PCSK5: variants seen among roughly 807,000 people sequenced by gnomAD.
PCSK5 encodes proprotein convertase subtilisin/kexin type 5.
A neutral mutation model predicts 233.2 loss-of-function variants in PCSK5; 129 were observed. The observed-to-expected ratio is 0.55, with a 90% confidence interval of 0.48 to 0.64. The LOEUF is 0.64. Ranked by LOEUF, PCSK5 falls within the 30% of genes least tolerant of loss-of-function variation. The pLI is 0.00. For synonymous variants in PCSK5, 825 were observed against 879.2 expected (o/e 0.94, Z 1.09); for missense variants, 2,076 against 2,430.1 (o/e 0.85, Z 3.06).
chr9:76,156,898 G>A, intron 10 of PCSK5, 147 bp from the exon 11 acceptor site: 2 of 659,076 alleles, frequency 3.0e-6, no homozygotes, highest in South Asian at 3.5e-5. Context: ...ACATGACTAT[G>A]TATTTGTTTT....
chr9:76,328,994 T>C (rs1189256365), intron 33 of PCSK5, among the ~76,000 whole-genome samples: 2 of 150,110 alleles, frequency 1.3e-5, no homozygotes, highest in Non-Finnish European at 3.0e-5. Context: ...TTTTTTTGTA[T>C]TTTTGGTAGA....
chr9:76,160,773 T>C (rs1002456488), intron 12 of PCSK5, among the ~76,000 whole-genome samples: 4 of 151,830 alleles, frequency 2.6e-5, no homozygotes, highest in Non-Finnish European at 5.9e-5. Flanking sequence ...TGATATCTTT[T>C]TTTTTTTTCT....
chr9:76,023,857 C>G lies in PCSK5; in HGVS notation c.531C>G (p.Thr177=), dbSNP rs1198822148. The change falls in exon 4 of 38, where the codon ACC becomes ACG. Residue 177 remains threonine (T), a synonymous_variant. Coordinates refer to ENST00000674117, the MANE Select transcript of PCSK5 (RefSeq NM_001372043.1). ...TCCTGGATGACGGAATTGAGAGAACCCATCCAGATCTGATGCAAAACTACG... is the reference window on the plus strand; with the variant it reads ...TCCTGGATGACGGAATTGAGAGAACGCATCCAGATCTGATGCAAAACTACG... ...VTILDDGIER[T]HPDLMQNYDA... 3 of 1,612,408 alleles carry G rather than the reference C, an allele frequency of 1.9e-6. No individual in the cohort carries two copies. The highest frequency in any genetic ancestry group is 8.5e-7 in the Non-Finnish European group (1 of 1,179,288).
chr9:75,920,680 C>T (rs1376928755), intron 1 of PCSK5, among the ~76,000 whole-genome samples: 2 of 151,984 alleles, frequency 1.3e-5, no homozygotes, highest in Non-Finnish European at 2.9e-5. Flanking sequence ...GTGGCACACA[C>T]CTGTAATCCC....
intron 1 of PCSK5, among the ~76,000 whole-genome samples, chr9:75,909,058 C>T (rs1293492216): frequency 6.6e-6 from 1 of 152,020 alleles, no homozygotes; most frequent in African/African-American, 2.4e-5. Context: ...GGTGCAGTGG[C>T]TCATGCCTGT....
At chr9:76,021,807 T>C (rs1371296418) in intron 3 of PCSK5, among the ~76,000 whole-genome samples, 1 of 152,190 alleles carries the variant, frequency 6.6e-6, no homozygotes, top group Non-Finnish European at 1.5e-5. Flanking sequence ...GCTTAGGATG[T>C]AGTTGGAATA....
At chr9:76,303,154 T>A (rs757128318) in intron 28 of PCSK5, among the ~76,000 whole-genome samples, 1 of 152,134 alleles carries the variant, frequency 6.6e-6, no homozygotes, top group African/African-American at 2.4e-5. Context: ...CTTGTACAGA[T>A]CTCCCTCTGG....
chr9:76,044,655 A>G (rs11999893), intron 5 of PCSK5, among the ~76,000 whole-genome samples: 66,982 of 151,624 alleles, frequency 0.44, 15,137 homozygotes, highest in Middle Eastern at 0.54. Context: ...TAATTTAGAG[A>G]TTTTGGTCAT....
chr9:75,961,137 C>T (rs543272092), intron 2 of PCSK5, among the ~76,000 whole-genome samples: 26 of 152,292 alleles, frequency 1.7e-4, no homozygotes, highest in African/African-American at 6.3e-4. Flanking sequence ...GAACTGAGTC[C>T]TTGTGATTGA....
At chr9:76,213,533 C>T (rs1166760332) in intron 20 of PCSK5, among the ~76,000 whole-genome samples, 2 of 152,052 alleles carry the variant, frequency 1.3e-5, no homozygotes, top group African/African-American at 4.8e-5. Flanking sequence ...TGGTTCCACT[C>T]CCTCACCCTG....
At chr9:76,134,054 C>T (rs1302150384) in intron 9 of PCSK5, 55 bp from the exon 10 acceptor site, 2 of 1,118,464 alleles carry the variant, frequency 1.8e-6, no homozygotes, top group African/African-American at 1.7e-5. Flanking sequence ...TGACTCTCTG[C>T]TTCCCCCATC....
In PCSK5 at chr9:76,308,760, A is replaced by C. The variant is rs756315092; in HGVS notation, c.3688+32A>C. ...GTGTTGCGTGACAGAAGATGGCAGC[A>C]GTCAAGCCAAGTCATTGAAACTCAT... On this transcript the variant is annotated intron_variant, in intron 29 of 37. Coordinates refer to ENST00000674117, the MANE Select transcript of PCSK5 (RefSeq NM_001372043.1). 3.6e-6 allele frequency: 5 copies of C among 1,377,948 alleles called. No individual in the cohort carries two copies. The Admixed American group carries it at 6.8e-5, about 19-fold the overall frequency. 85.4% of individuals were successfully genotyped at this position (1,377,948 alleles called of 1,614,324 possible).
rs374806774 is a variant in PCSK5, at chr9:75,987,826, T to C, written c.411+1581T>C. Among the ~76,000 whole-genome samples the C allele has an allele frequency of 6.8e-4, 103 of 152,300 alleles. 1 individual carries two copies. The South Asian group carries it at 0.02, about 29-fold the overall frequency. On this transcript the variant is annotated intron_variant, in intron 3 of 37. Transcript: ENST00000674117. ...ATAAGAATGTAATGGGATTAAGAGA[T>C]AGGAGGAAGCAAAGCTGCCTCTACA...
chr9:76,069,631 C>A (rs1424481781), intron 6 of PCSK5, among the ~76,000 whole-genome samples: 1 of 152,010 alleles, frequency 6.6e-6, no homozygotes. Flanking sequence ...TGTGAAATTT[C>A]TATTAGAAAA....
chr9:76,292,680 C>T (rs1227124085), intron 25 of PCSK5, among the ~76,000 whole-genome samples: 1 of 152,168 alleles, frequency 6.6e-6, no homozygotes, highest in East Asian at 1.9e-4. Context: ...AGCTCTTAGT[C>T]ATCCCCTAGG....
At chr9:76,030,114 T>TC (rs1491567804) in intron 5 of PCSK5, among the ~76,000 whole-genome samples, 1 of 151,634 alleles carries the variant, frequency 6.6e-6, no homozygotes, top group Non-Finnish European at 1.5e-5. Flanking sequence ...GAAGTGTTTT[T>TC]CTCTCTGAAA....
At chr9:75,951,047 A>C (rs565398912) in intron 2 of PCSK5, among the ~76,000 whole-genome samples, 1 of 152,186 alleles carries the variant, frequency 6.6e-6, no homozygotes, top group Non-Finnish European at 1.5e-5. Flanking sequence ...CACAGGAGAA[A>C]GTTTCCACCC....
chr9:76,209,076 C>A (rs1430132656), intron 20 of PCSK5, among the ~76,000 whole-genome samples: 1 of 152,180 alleles, frequency 6.6e-6, no homozygotes, highest in Non-Finnish European at 1.5e-5. Context: ...AGAAAGCAGT[C>A]ATTTTTAACT....
intron 2 of PCSK5, among the ~76,000 whole-genome samples, chr9:75,975,061 C>T (rs117604155): frequency 0.017 from 2,654 of 152,236 alleles, 50 homozygotes; most frequent in Middle Eastern, 0.048. Context: ...ATTTAAAAAA[C>T]ATAGAACTGA....
Sources: gnomAD v4.1 joint callset for allele counts (sites outside exome capture counted in the v4.1 genomes callset) on GRCh38, gnomAD v4.1.1 for gene constraint, MANE v1.5 for transcripts, NCBI Gene and HGNC (gene_info 2026-07-23, HGNC 2026-07-21) for gene names.